Variants in ME2 observed in about 807,000 individuals in gnomAD.
The protein encoded by ME2 is malic enzyme 2, also known as NAD-dependent malic enzyme, mitochondrial.
A neutral mutation model predicts 73.7 loss-of-function variants in ME2; 60 were observed. The observed-to-expected ratio is 0.81, with a 90% confidence interval of 0.66 to 1.01. ME2 has a LOEUF of 1.01. ME2 is among the 50% of genes least tolerant of loss of function. ME2 has a pLI of 0.00. For missense variants in ME2, 594 were observed against 705.5 expected, an observed-to-expected ratio of 0.84 and a Z score of 1.79; for synonymous variants, 199 against 236.9, an observed-to-expected ratio of 0.84 and a Z score of 1.47.
chr18:50,915,866 T>C (rs1444853626), intron 4 of ME2: 1 of 149,700 alleles, frequency 6.7e-6, no homozygotes, highest in Non-Finnish European at 1.4e-5. Context: ...TTGCTTTAGA[T>C]TTTTTTTTTT....
intron 2 of ME2, among the ~76,000 whole-genome samples, chr18:50,905,532 A>T (rs1275332708): frequency 6.6e-6 from 1 of 152,222 alleles, no homozygotes; most frequent in African/African-American, 2.4e-5. Flanking sequence ...GATCCTGAAA[A>T]TATGTACCCC....
chr18:50,909,218 C>G (rs1342091073), intron 3 of ME2, among the ~76,000 whole-genome samples: 1 of 152,152 alleles, frequency 6.6e-6, no homozygotes, highest in African/African-American at 2.4e-5. Flanking sequence ...CCCGCCTTGG[C>G]CTCCCAAAGT....
In ME2 at chr18:50,920,528, C is replaced by T. The variant is rs778031621; in HGVS notation, c.807C>T (p.Tyr269=). 3 of 1,597,260 alleles carry T rather than the reference C, an allele frequency of 1.9e-6. No individual in the cohort carries two copies. In the South Asian group the frequency reaches 3.4e-5, roughly 18 times the overall value. The change falls in exon 8 of 16, where the codon TAC becomes TAT. Residue 269 remains tyrosine, a synonymous_variant. Coordinates refer to ENST00000321341, the MANE Select transcript of ME2 (RefSeq NM_002396.5). ...NHNAFRFLRK[Y]REKYCTFNDD... ...ATGCATTCAGGTTCTTGAGAAAGTA[C>T]CGAGAAAAATATTGTACTTTCAATG... is the stretch of plus-strand genomic sequence containing the variant.
At chr18:50,946,961 G>T in intron 15 of ME2, 56 bp from the exon 16 acceptor site, 6 of 1,249,920 alleles carry the variant, frequency 4.8e-6, no homozygotes, top group Non-Finnish European at 6.9e-6. Context: ...ATAGTACGTT[G>T]TCTCTCTAAT....
intron 1 of ME2, among the ~76,000 whole-genome samples, chr18:50,881,815 C>T (rs1229909925): frequency 6.6e-6 from 1 of 152,192 alleles, no homozygotes; most frequent in African/African-American, 2.4e-5. Flanking sequence ...ACTAGCCTTT[C>T]TAGAGCACCT....
intron 1 of ME2, among the ~76,000 whole-genome samples, chr18:50,888,851 AATG>A: frequency 6.6e-6 from 1 of 152,248 alleles, no homozygotes; most frequent in Middle Eastern, 3.4e-3. Context: ...GGATTTCCTG[AATG>A]ATAAGAGTGT....
At position 50,918,348 on chromosome 18, in the gene ME2, T is replaced by C. The variant is rs548520689; in HGVS notation, c.734+135T>C. ...GAGGCGATTAAATTTTTGAGAACTTTGTTCTGCCTGGCTGTTTCTGCCTGA... is the reference window on the plus strand; with the variant it reads ...GAGGCGATTAAATTTTTGAGAACTTCGTTCTGCCTGGCTGTTTCTGCCTGA... On this transcript the variant is annotated intron_variant, in intron 7 of 15. Coordinates refer to ENST00000321341, the MANE Select transcript of ME2 (RefSeq NM_002396.5). 16 of 538,076 alleles carry C rather than the reference T, an allele frequency of 3.0e-5. No individual in the cohort carries two copies. In the East Asian group the frequency reaches 4.8e-4, roughly 16 times the overall value. 33.3% of individuals were successfully genotyped at this position (538,076 alleles called of 1,614,324 possible).
At chr18:50,946,860 C>A (rs1467931844) in intron 15 of ME2, among the ~76,000 whole-genome samples, 157 bp from the exon 16 acceptor site, 1 of 152,124 alleles carries the variant, frequency 6.6e-6, no homozygotes, top group Non-Finnish European at 1.5e-5. Flanking sequence ...TCCATAGTTT[C>A]CAAATGTTTT....
At chr18:50,925,688 A>G (rs548434040) in intron 11 of ME2, 68 bp from the exon 12 acceptor site, 1 of 1,313,446 alleles carries the variant, frequency 7.6e-7, no homozygotes, top group Admixed American at 1.8e-5. Flanking sequence ...TATTGTAGAA[A>G]TGCTATTGAT....
chr18:50,934,779 A>G (rs1306719934), intron 13 of ME2: 4 of 152,230 alleles, frequency 2.6e-5, no homozygotes, highest in Non-Finnish European at 5.9e-5. Context: ...TTGAGCAACT[A>G]TAACAACCGG....
chr18:50,943,960 A>G (rs189653563), intron 15 of ME2, among the ~76,000 whole-genome samples: 19 of 152,286 alleles, frequency 1.2e-4, no homozygotes, highest in African/African-American at 4.1e-4. Flanking sequence ...TCACTCCTGT[A>G]ATCACAGCAC....
chr18:50,906,356 AG>A (rs1393983563), intron 2 of ME2, among the ~76,000 whole-genome samples: 38 of 152,228 alleles, frequency 2.5e-4, no homozygotes, highest in Non-Finnish European at 4.7e-4. Flanking sequence ...TCTTTTGCCT[AG>A]GCTGGAGTAC....
chr18:50,928,006 A>G (rs1917600909), intron 12 of ME2, among the ~76,000 whole-genome samples: 2 of 151,146 alleles, frequency 1.3e-5, no homozygotes, highest in Admixed American at 1.3e-4. Flanking sequence ...TTTTGTAGAG[A>G]CAAGGTCTTG....
At chr18:50,927,877 C>T (rs1479438164) in intron 12 of ME2, among the ~76,000 whole-genome samples, 1 of 140,920 alleles carries the variant, frequency 7.1e-6, no homozygotes, top group Non-Finnish European at 1.5e-5. Context: ...TGTAGTGGCA[C>T]AGTCATAGCT....
chr18:50,918,239 G>C (rs373393782), intron 7 of ME2, 26 bp downstream of exon 7: 363 of 1,513,660 alleles, frequency 2.4e-4, no homozygotes, highest in Middle Eastern at 2.1e-3. Context: ...TTGAGTATAT[G>C]AAAGCACCTT....
chr18:50,913,684 A>C (rs1445687622), intron 4 of ME2, among the ~76,000 whole-genome samples: 1 of 152,056 alleles, frequency 6.6e-6, no homozygotes, highest in Admixed American at 6.6e-5. Flanking sequence ...TAGCACCTAC[A>C]AACATTATAA....
At position 50,947,603 on chromosome 18, in the gene ME2, AAACT is replaced by A. The variant is rs1599132376; in HGVS notation, c.*422_*425del. 2 of 153,556 alleles carry A rather than the reference AAACT, an allele frequency of 1.3e-5. No individual in the cohort carries two copies. Among genetic ancestry groups the A allele is most frequent in the Middle Eastern group, 6.8e-3 (2 of 296 alleles). The allele number at this position is 153,556 out of a possible 1,614,324, so 9.5% of individuals were successfully genotyped here. A position where few individuals can be genotyped will look rare whatever the true frequency, so the allele number is the denominator to read the frequency against. ...GATAGAAGTACAGAATTTTGAGAAG[AAACT>A]AAATTTTCACCAAATTTTAAGGAAA... is the stretch of plus-strand genomic sequence containing the variant. On this transcript the variant is annotated 3_prime_UTR_variant, in exon 16 of 16. Coordinates refer to ENST00000321341, the MANE Select transcript of ME2 (RefSeq NM_002396.5).
At position 50,941,795 on chromosome 18, in the gene ME2, A is replaced by G. The variant is rs150170164; in HGVS notation, c.1587+1409A>G. 1.5e-3 allele frequency among the ~76,000 whole-genome samples: 229 copies of G among 151,794 alleles called. 1 individual carries two copies. The highest frequency in any genetic ancestry group is 0.014 in the Middle Eastern group (4 of 292). On this transcript the variant is annotated intron_variant, in intron 15 of 15. Coordinates refer to ENST00000321341, the MANE Select transcript of ME2 (RefSeq NM_002396.5). Reference sequence around the variant, plus strand: ...CTCTTCAGAAAAAGTACTGATTTACATTGCAGCAATTAGATATGAGTGTAT... The same window carrying G: ...CTCTTCAGAAAAAGTACTGATTTACGTTGCAGCAATTAGATATGAGTGTAT...
intron 5 of ME2, chr18:50,916,478 C>T (rs1052238571): frequency 1.7e-5 from 6 of 363,564 alleles, no homozygotes; most frequent in African/African-American, 1.1e-4. Flanking sequence ...TGAGCCCTCT[C>T]GGTATCAGCA....
Sources: allele counts gnomAD v4.1 joint callset (sites outside exome capture counted in the v4.1 genomes callset), GRCh38; gene constraint gnomAD v4.1.1; transcripts MANE v1.5; gene names NCBI Gene and HGNC (gene_info 2026-07-23, HGNC 2026-07-21).